The following LMF1 variants were observed in gnomAD, a reference collection of about 807,000 sequenced individuals.
The protein encoded by LMF1 is transmembrane protein 112.
A neutral mutation model predicts 60.6 loss-of-function variants in LMF1; 68 were observed. That is an observed-to-expected ratio of 1.12 (90% CI 0.92 to 1.37). LMF1 has a LOEUF of 1.37. Among genes scored for constraint, LMF1 ranks in the 40% most tolerant of loss-of-function variants. The probability of loss-of-function intolerance (pLI) is 0.00; values close to 1 mark genes in which losing one functional copy is unlikely to be tolerated. For synonymous variants in LMF1, 418 were observed against 324.7 expected (o/e 1.29, Z -3.09); for missense variants, 948 against 767.2 (o/e 1.24, Z -2.78).
rs115721517 is a variant in LMF1 at position 951,430 on chromosome 16, C to G, written c.503+2927G>C. Among the ~76,000 whole-genome samples the G allele has an allele frequency of 3.9e-3, 600 of 152,338 alleles. 1 individual carries two copies. The highest frequency in any genetic ancestry group is 0.014 in the African/African-American group (569 of 41,560). ...CAGATACTATAGCAGATGCTGTGCT[C>G]AGGGCTCCAGCGTCCTGCAAGGCTG... On this transcript the variant is annotated intron_variant, in intron 2 of 10. Coordinates refer to ENST00000262301, the MANE Select transcript of LMF1 (RefSeq NM_022773.4).
rs192566803 is a variant in LMF1 at position 907,387 on chromosome 16, C to T, written c.663+3544G>A. 1.5e-4 allele frequency among the ~76,000 whole-genome samples: 22 copies of T among 151,486 alleles called. No individual in the cohort carries two copies. In the East Asian group the frequency reaches 3.1e-3, roughly 21 times the overall value. On this transcript the variant is annotated intron_variant, in intron 4 of 10. Transcript: ENST00000262301. ...CTACACTCCAGCCTGGGTGACAAGGCGAGACTCCATCTCAAAAAGAAAAAA... is the reference window on the plus strand; with the variant it reads ...CTACACTCCAGCCTGGGTGACAAGGTGAGACTCCATCTCAAAAAGAAAAAA...
chr16:880,254 G>GCA (rs60299661), intron 5 of LMF1, among the ~76,000 whole-genome samples: 4,496 of 152,252 alleles, frequency 0.03, 210 homozygotes, highest in African/African-American at 0.1. Context: ...GGCTCTAAGC[G>GCA]CAAGACCTGG....
intron 3 of LMF1, among the ~76,000 whole-genome samples, chr16:919,769 G>C (rs1033814755): frequency 2.0e-5 from 3 of 152,122 alleles, no homozygotes; most frequent in Admixed American, 2.0e-4. Context: ...GCTACATCAT[G>C]TGGCAGGGCC....
At chr16:918,796 G>GGCGTCCCGGGGCGC (rs1567237415) in intron 3 of LMF1, among the ~76,000 whole-genome samples, 5 of 151,870 alleles carry the variant, frequency 3.3e-5, no homozygotes, top group African/African-American at 1.2e-4. Flanking sequence ...ACGCGGGGCC[G>GGCGTCCCGGGGCGC]ACGTCCCGGG....
intron 5 of LMF1, among the ~76,000 whole-genome samples, chr16:885,804 A>G (rs1271883094): frequency 1.3e-5 from 2 of 152,182 alleles, no homozygotes; most frequent in African/African-American, 4.8e-5. Context: ...CCTTATCTCA[A>G]TAATTGATAA....
rs989039641 is a variant in LMF1 at position 870,966 on chromosome 16, A to G, written c.1079-84T>C. On this transcript the variant is annotated intron_variant, in intron 7 of 10. Coordinates refer to ENST00000262301, the MANE Select transcript of LMF1 (RefSeq NM_022773.4). ...GGGGAGACCCCAGCTGCTGCTCCCT[A>G]AGGGTCAGCTGTCCTGGGTCCCGGG... 1.2e-5 allele frequency: 18 copies of G among 1,492,074 alleles called. No homozygotes were observed. In the African/African-American group the frequency reaches 2.2e-4, roughly 18 times the overall value. The allele number at this position is 1,492,074 out of a possible 1,614,324, so 92.4% of individuals were successfully genotyped here. A position where few individuals can be genotyped will look rare whatever the true frequency, so the allele number is the denominator to read the frequency against.
In LMF1 at chr16:874,293, C is replaced by A. The variant is rs932266176; in HGVS notation, c.898-2952G>T. ...GTGCGGGGCTGGCAGGGCCTCCGGG[C>A]CTCTGTCTTGAGCGGGCGTGGGGTG... On this transcript the variant is annotated intron_variant, in intron 6 of 10. Coordinates refer to ENST00000262301, the MANE Select transcript of LMF1 (RefSeq NM_022773.4). The surrounding 1 kb of genome is among the most constrained non-coding windows in gnomAD (Gnocchi z 4.1). Among the ~76,000 whole-genome samples, 2 of 152,056 alleles carry A rather than the reference C, an allele frequency of 1.3e-5. No individual in the cohort carries two copies. Among genetic ancestry groups the A allele is most frequent in the Admixed American group, 6.5e-5 (1 of 15,280 alleles).
chr16:955,270 G>C (rs139551761), intron 1 of LMF1, among the ~76,000 whole-genome samples: 6 of 136,050 alleles, frequency 4.4e-5, no homozygotes, highest in African/African-American at 1.9e-4. Flanking sequence ...ACACATCTAA[G>C]TAAACTAGAC....
chr16:956,106 C>T (rs1475667802), intron 1 of LMF1, among the ~76,000 whole-genome samples: 1 of 89,762 alleles, frequency 1.1e-5, no homozygotes, highest in East Asian at 2.9e-4. Context: ...TCATGTCTCA[C>T]GGCGCCCACC....
chr16:947,825 GCCAATGAC>G, intron 2 of LMF1, among the ~76,000 whole-genome samples: 1 of 152,194 alleles, frequency 6.6e-6, no homozygotes, highest in Non-Finnish European at 1.5e-5. Flanking sequence ...GACAGAGTCA[GCCAATGAC>G]AGAGTCAGCC....
intron 2 of LMF1, among the ~76,000 whole-genome samples, chr16:942,464 C>T (rs1006378082): frequency 1.3e-5 from 2 of 152,186 alleles, no homozygotes; most frequent in Non-Finnish European, 2.9e-5. Flanking sequence ...ACTTTTTATG[C>T]CCCATTTTCT....
At chr16:960,443 A>C (rs1480584114) in intron 1 of LMF1, among the ~76,000 whole-genome samples, 14 of 93,962 alleles carry the variant, frequency 1.5e-4, no homozygotes, top group African/African-American at 4.6e-4. Flanking sequence ...ACCCAGACAC[A>C]GACTCACGGT....
intron 10 of LMF1, among the ~76,000 whole-genome samples, chr16:866,516 G>A (rs2069614291): frequency 6.6e-6 from 1 of 152,126 alleles, no homozygotes; most frequent in Non-Finnish European, 1.5e-5. Context: ...GGGAGTCCAG[G>A]CTCCTCGTGT....
At chr16:889,833 G>C (rs894772638) in intron 5 of LMF1, among the ~76,000 whole-genome samples, 2 of 152,136 alleles carry the variant, frequency 1.3e-5, no homozygotes, top group Non-Finnish European at 2.9e-5. Flanking sequence ...CCAGTGCCTC[G>C]TCATCAAGAC....
chr16:948,147 C>T lies in LMF1; in HGVS notation c.503+6210G>A, dbSNP rs1274791293. 6.2e-4 allele frequency among the ~76,000 whole-genome samples: 88 copies of T among 142,570 alleles called. 2 individuals are homozygous for T. Among genetic ancestry groups the T allele is most frequent in the African/African-American group, 2.2e-3 (84 of 37,550 alleles). 93.5% of individuals were successfully genotyped at this position (142,570 alleles called of 152,430 possible). The stretch of plus-strand genomic sequence containing the variant: ...AGCCAACGACAAAGTCAGCCAACGA[C>T]AGAGTCAGAGCCAACGACAGAGTCA... On this transcript the variant is annotated intron_variant, in intron 2 of 10. Transcript: ENST00000262301.
At chr16:881,786 A>G (rs978356301) in intron 5 of LMF1, among the ~76,000 whole-genome samples, 2 of 152,204 alleles carry the variant, frequency 1.3e-5, no homozygotes, top group African/African-American at 2.4e-5. Context: ...GTTGGGAACA[A>G]GCATCTCCAG....
intron 3 of LMF1, among the ~76,000 whole-genome samples, chr16:926,331 T>C (rs1221690407): frequency 6.6e-6 from 1 of 152,216 alleles, no homozygotes; most frequent in African/African-American, 2.4e-5. Context: ...TTGCATAAGA[T>C]CTGCAGGTCT....
upstream of LMF1, chr16:975,772 A>T: frequency 2.2e-6 from 1 of 451,702 alleles, no homozygotes; most frequent in Non-Finnish European, 4.4e-6. Context: ...ACATTTTCAC[A>T]GGGTGTGTTT....
chr16:954,971 T>TCTAAGCGAACCAGACACGTTACACACAC (rs2072641607), intron 1 of LMF1, among the ~76,000 whole-genome samples: 1 of 84,066 alleles, frequency 1.2e-5, no homozygotes, highest in Admixed American at 1.1e-4. Context: ...CACACACACA[T>TCTAAGCGAACCAGACACGTTACACACAC]ATCTAAGTGA....
Sources: gnomAD v4.1 joint callset for allele counts (sites outside exome capture counted in the v4.1 genomes callset) on GRCh38, gnomAD v4.1.1 for gene constraint, Gnocchi (gnomAD v3.1) non-coding constraint, MANE v1.5 for transcripts, NCBI Gene and HGNC (gene_info 2026-07-23, HGNC 2026-07-21) for gene names.